The following MYO3A variants were observed in gnomAD, a reference collection of about 807,000 sequenced individuals.
MYO3A encodes myosin-IIIa.
In MYO3A, 180 loss-of-function variants were observed where a neutral mutation model predicts 192.7. The ratio of observed to expected loss-of-function variants is 0.93; its 90% CI spans 0.83 to 1.06. The LOEUF is 1.06. Among genes scored for constraint, MYO3A ranks in the 50% least tolerant of loss-of-function variants. The pLI is 0.00. For synonymous variants in MYO3A, 628 were observed against 645.3 expected, an observed-to-expected ratio of 0.97 and a Z score of 0.41; for missense variants, 1,896 against 1,905.0, an observed-to-expected ratio of 1.00 and a Z score of 0.09.
At chr10:25,950,413 CTT>C (rs1052443464) in intron 2 of MYO3A, among the ~76,000 whole-genome samples, 7 of 152,098 alleles carry the variant, frequency 4.6e-5, no homozygotes, top group African/African-American at 1.4e-4. Context: ...AAAGATATCA[CTT>C]TGAAATAGTA....
chr10:26,083,459 CTTTCTGATTTGGGTGCCTTTTA>C (rs1836102316), intron 14 of MYO3A, among the ~76,000 whole-genome samples: 1 of 152,140 alleles, frequency 6.6e-6, no homozygotes. Flanking sequence ...TTACTTCTTC[CTTTCTGATTTGGGTGCCTTTTA>C]TTTCTTTATC....
In MYO3A at chr10:26,154,815, T is replaced by C. The variant is rs1446528865; in HGVS notation, c.2785T>C (p.Tyr929His). 6.2e-7 allele frequency: 1 copy of C among 1,611,636 alleles called. No individual in the cohort carries two copies. The highest frequency in any genetic ancestry group is 8.5e-7 in the Non-Finnish European group (1 of 1,178,324). The change falls in exon 25 of 35, where the codon TAT becomes CAT. Residue 929 changes from tyrosine (Y) to histidine (H), a missense_variant. Tyr to His is a moderately conservative substitution (Grantham distance 83, BLOSUM62 2). Transcript: ENST00000642920. The part of the protein sequence containing the change: ...TNMKTQTVAS[Y>H]FRYSLMDLLS... ...CATGAAAACACAAACGGTTGCATCATATTTTAGAGTAAGATATTAAACTAT... is the reference window on the plus strand; with the variant it reads ...CATGAAAACACAAACGGTTGCATCACATTTTAGAGTAAGATATTAAACTAT...
At chr10:26,041,955 CTT>C (rs1392600467) in intron 10 of MYO3A, among the ~76,000 whole-genome samples, 1 of 152,080 alleles carries the variant, frequency 6.6e-6, no homozygotes, top group Non-Finnish European at 1.5e-5. Context: ...CATTAAAATA[CTT>C]TTCTACCTAA....
At position 26,186,487 on chromosome 10, in the gene MYO3A, C is replaced by T. The variant is rs570361073; in HGVS notation, c.4439-6718C>T. Among the ~76,000 whole-genome samples the T allele has an allele frequency of 1.8e-4, 28 of 152,172 alleles. 2 individuals are homozygous for T. The South Asian group carries it at 5.2e-3, about 28-fold the overall frequency. On this transcript the variant is annotated intron_variant, in intron 31 of 34. Transcript: ENST00000642920. ...TTCACCGTGTTAGCCAGGATGGTCT[C>T]GATCTCCTGACCTCGTGATCTGCCC...
intron 17 of MYO3A, among the ~76,000 whole-genome samples, chr10:26,098,323 G>A (rs535056894): frequency 2.6e-4 from 39 of 152,320 alleles, no homozygotes; most frequent in African/African-American, 8.7e-4. Flanking sequence ...CCCTTTGTCA[G>A]ATGGGTAGAT....
At chr10:26,066,873 TA>T in intron 10 of MYO3A, 101 bp from the exon 11 acceptor site, 1 of 759,060 alleles carries the variant, frequency 1.3e-6, no homozygotes, top group Non-Finnish European at 2.3e-6. Context: ...TTGAATTTAA[TA>T]AACAGATTCC....
intron 31 of MYO3A, among the ~76,000 whole-genome samples, chr10:26,187,050 T>C (rs2132115271): frequency 6.6e-6 from 1 of 152,320 alleles, no homozygotes; most frequent in East Asian, 1.9e-4. Flanking sequence ...GTGATGACAA[T>C]AGTGATCCAG....
intron 4 of MYO3A, among the ~76,000 whole-genome samples, chr10:25,986,874 A>G (rs560132743): frequency 4.1e-4 from 63 of 152,328 alleles, no homozygotes; most frequent in Middle Eastern, 6.8e-3. Flanking sequence ...TGAAATTCAT[A>G]TGGAACCAAA....
At chr10:26,111,386 G>T (rs991154094) in intron 17 of MYO3A, among the ~76,000 whole-genome samples, 1 of 152,088 alleles carries the variant, frequency 6.6e-6, no homozygotes. Flanking sequence ...TGATGTCCCA[G>T]GCATCATAAA....
At chr10:26,149,726 C>A (rs989881134) in intron 23 of MYO3A, among the ~76,000 whole-genome samples, 13 of 152,088 alleles carry the variant, frequency 8.5e-5, no homozygotes, top group African/African-American at 3.1e-4. Flanking sequence ...TTAACATATA[C>A]ATTACTGTAT....
Position 26,070,125 on chromosome 10 carries a change from T to C in MYO3A, c.1185T>C (p.Tyr395=). Residue 395 remains tyrosine, a synonymous_variant, in exon 13 of 35, where the codon TAT becomes TAC. Coordinates refer to ENST00000642920, the MANE Select transcript of MYO3A (RefSeq NM_017433.5). ...TTAACCTTTAGCATTCCAAACTATATATTGGATCAAAGAGAACTGCCAGTC... is the reference window on the plus strand; with the variant it reads ...TTAACCTTTAGCATTCCAAACTATACATTGGATCAAAGAGAACTGCCAGTC... The part of the protein sequence containing the change: ...GLYSTKHSKL[Y]IGSKRTASPP... 1 of 1,608,678 alleles carries C rather than the reference T, an allele frequency of 6.2e-7. No individual in the cohort carries two copies. The highest frequency in any genetic ancestry group is 8.5e-7 in the Non-Finnish European group (1 of 1,175,262).
At chr10:26,193,359 A>C in intron 32 of MYO3A, 48 bp downstream of exon 32, 1 of 1,427,170 alleles carries the variant, frequency 7.0e-7, no homozygotes, top group Non-Finnish European at 9.9e-7. Context: ...ACATCTACTA[A>C]TGGCCAGTGT....
intron 10 of MYO3A, among the ~76,000 whole-genome samples, chr10:26,046,888 A>T (rs1017185307): frequency 6.6e-6 from 1 of 152,200 alleles, no homozygotes; most frequent in Non-Finnish European, 1.5e-5. Flanking sequence ...ATTTTTCATT[A>T]GTAGTTAGTA....
At chr10:26,123,499 T>C (rs920242421) in intron 18 of MYO3A, among the ~76,000 whole-genome samples, 1 of 152,240 alleles carries the variant, frequency 6.6e-6, no homozygotes, top group Non-Finnish European at 1.5e-5. Flanking sequence ...CATTTTCTCC[T>C]ATCAAATTGG....
At chr10:26,169,198 A>T (rs1451134981) in intron 28 of MYO3A, among the ~76,000 whole-genome samples, 1 of 152,164 alleles carries the variant, frequency 6.6e-6, no homozygotes, top group Non-Finnish European at 1.5e-5. Context: ...GACAATAAGA[A>T]TTTTTTCTAC....
At chr10:25,979,974 C>T (rs1207541386) in intron 4 of MYO3A, among the ~76,000 whole-genome samples, 2 of 152,192 alleles carry the variant, frequency 1.3e-5, no homozygotes, top group African/African-American at 2.4e-5. Flanking sequence ...CAATGGCTCA[C>T]GCCTGTAATC....
chr10:26,121,842 G>A lies in MYO3A; in HGVS notation c.1903+1040G>A, dbSNP rs1838878676. On this transcript the variant is annotated intron_variant, in intron 18 of 34. Transcript: ENST00000642920. ...TTATGCTTAGGAACAGAGTGAGATGGTGTAGTTTTAGGGGGCTAAGTGCCA... is the reference window on the plus strand; with the variant it reads ...TTATGCTTAGGAACAGAGTGAGATGATGTAGTTTTAGGGGGCTAAGTGCCA... 2.0e-5 allele frequency among the ~76,000 whole-genome samples: 3 copies of A among 152,146 alleles called. No individual in the cohort carries two copies. The South Asian group carries it at 6.2e-4, about 32-fold the overall frequency.
chr10:26,127,780 A>G (rs956234606), intron 19 of MYO3A, among the ~76,000 whole-genome samples: 1 of 151,752 alleles, frequency 6.6e-6, no homozygotes, highest in Non-Finnish European at 1.5e-5. Context: ...AGTATTTGAA[A>G]TACTTAATTG....
At chr10:26,028,877 C>G (rs780911343) in intron 10 of MYO3A, among the ~76,000 whole-genome samples, 7 of 152,100 alleles carry the variant, frequency 4.6e-5, no homozygotes, top group Non-Finnish European at 1.0e-4. Flanking sequence ...ACTGGGAAAT[C>G]CTGAACTTGG....
Sources: allele counts gnomAD v4.1 joint callset (sites outside exome capture counted in the v4.1 genomes callset), GRCh38; gene constraint gnomAD v4.1.1; transcripts MANE v1.5; gene names NCBI Gene and HGNC (gene_info 2026-07-23, HGNC 2026-07-21).